ADCY9: variants seen among roughly 807,000 people sequenced by gnomAD.
ADCY9 encodes adenylate cyclase type 9.
A neutral mutation model predicts 101.5 loss-of-function variants in ADCY9; 50 were observed. The ratio of observed to expected loss-of-function variants is 0.49; its 90% CI spans 0.39 to 0.62. The LOEUF (loss-of-function observed/expected upper bound fraction) is 0.62, where lower values mean the gene tolerates loss of function less well. ADCY9 is among the 20% of genes least tolerant of loss of function. The probability of loss-of-function intolerance (pLI) is 0.00; values close to 1 mark genes in which losing one functional copy is unlikely to be tolerated. For missense variants in ADCY9, 1,662 were observed against 1,800.4 expected (o/e 0.92, Z 1.39); for synonymous variants, 905 against 769.3 (o/e 1.18, Z -2.92).
At chr16:4,079,248 A>C (rs1000435213) in intron 2 of ADCY9, among the ~76,000 whole-genome samples, 1 of 152,212 alleles carries the variant, frequency 6.6e-6, no homozygotes, top group Non-Finnish European at 1.5e-5. Context: ...ATAAAATCTA[A>C]GTCATTTAAA....
chr16:4,087,191 A>AGGTTT (rs1418075041), intron 2 of ADCY9, among the ~76,000 whole-genome samples: 1 of 151,914 alleles, frequency 6.6e-6, no homozygotes, highest in African/African-American at 2.4e-5. Flanking sequence ...TTTTATGGTG[A>AGGTTT]GGTTTTGTTT....
chr16:3,980,590 A>AT (rs1031867338), intron 7 of ADCY9, among the ~76,000 whole-genome samples: 6 of 152,114 alleles, frequency 3.9e-5, no homozygotes, highest in African/African-American at 1.2e-4. Flanking sequence ...AACACCTACC[A>AT]TGCCTCTCCC....
At chr16:4,039,215 G>A (rs2056610439) in intron 2 of ADCY9, among the ~76,000 whole-genome samples, 1 of 151,970 alleles carries the variant, frequency 6.6e-6, no homozygotes, top group African/African-American at 2.4e-5. Context: ...CATCTCCCAT[G>A]TCCTCCATCT....
intron 2 of ADCY9, among the ~76,000 whole-genome samples, chr16:4,088,283 G>A (rs1376696923): frequency 6.6e-6 from 1 of 151,852 alleles, no homozygotes; most frequent in Non-Finnish European, 1.5e-5. Flanking sequence ...TGGAAATGAA[G>A]ATTCTGGTTT....
At chr16:4,041,387 C>G (rs1277361846) in intron 2 of ADCY9, among the ~76,000 whole-genome samples, 2 of 151,966 alleles carry the variant, frequency 1.3e-5, no homozygotes, top group African/African-American at 4.8e-5. Context: ...GCCTGTCATC[C>G]CAGCTACTTG....
intron 2 of ADCY9, among the ~76,000 whole-genome samples, chr16:4,096,949 C>A (rs1343290079): frequency 6.6e-6 from 1 of 152,012 alleles, no homozygotes. Context: ...AAATTATGCA[C>A]AAAGACTACC....
At chr16:4,077,301 G>A (rs931425941) in intron 2 of ADCY9, among the ~76,000 whole-genome samples, 2 of 152,172 alleles carry the variant, frequency 1.3e-5, no homozygotes, top group African/African-American at 4.8e-5. Context: ...GTGACATCTG[G>A]AGAGATGAGC....
At chr16:3,959,740 T>A (rs1420394759), downstream of ADCY9, among the ~76,000 whole-genome samples, 1 of 152,210 alleles carries the variant, frequency 6.6e-6, no homozygotes, top group Non-Finnish European at 1.5e-5. Context: ...AATGCATGTA[T>A]CAACGCTGGG....
intron 6 of ADCY9, among the ~76,000 whole-genome samples, chr16:3,987,481 C>A (rs898298718): frequency 6.6e-6 from 1 of 152,200 alleles, no homozygotes; most frequent in East Asian, 1.9e-4. Context: ...CCTTGCTCAG[C>A]GTCAGCTCTT....
intron 2 of ADCY9, among the ~76,000 whole-genome samples, chr16:4,039,402 G>A (rs1047299092): frequency 6.6e-6 from 1 of 152,164 alleles, no homozygotes; most frequent in Non-Finnish European, 1.5e-5. Context: ...TTGCAGGCCA[G>A]GTGCGGTGGC....
intron 7 of ADCY9, among the ~76,000 whole-genome samples, chr16:3,980,416 G>A (rs1383344190): frequency 6.6e-6 from 1 of 152,186 alleles, no homozygotes; most frequent in African/African-American, 2.4e-5. Flanking sequence ...GAGAAGGTGT[G>A]GGGTCCTCGT....
chr16:4,072,631 T>G (rs1178146818), intron 2 of ADCY9, among the ~76,000 whole-genome samples: 1 of 152,012 alleles, frequency 6.6e-6, no homozygotes, highest in Non-Finnish European at 1.5e-5. Context: ...AAGAAAATGC[T>G]TGAAGAAGAA....
intron 2 of ADCY9, among the ~76,000 whole-genome samples, chr16:4,046,817 A>AC (rs1275077930): frequency 2.0e-5 from 3 of 151,838 alleles, no homozygotes; most frequent in African/African-American, 4.9e-5. Context: ...CATAAGTGAG[A>AC]CCCCGTCTCA....
chr16:4,101,967 T>C (rs1317523758), intron 2 of ADCY9, among the ~76,000 whole-genome samples: 1 of 152,180 alleles, frequency 6.6e-6, no homozygotes, highest in Non-Finnish European at 1.5e-5. Flanking sequence ...GAGCTATCAG[T>C]ATTTTGTATT....
At chr16:4,043,196 A>G (rs1353143084) in intron 2 of ADCY9, among the ~76,000 whole-genome samples, 2 of 152,160 alleles carry the variant, frequency 1.3e-5, no homozygotes, top group African/African-American at 4.8e-5. Flanking sequence ...GCGCCACTGC[A>G]CTCCAGCCTG....
chr16:4,000,001 G>A (rs1481334020), intron 3 of ADCY9, among the ~76,000 whole-genome samples: 1 of 151,796 alleles, frequency 6.6e-6, no homozygotes, highest in Non-Finnish European at 1.5e-5. Flanking sequence ...TCAGAAATGA[G>A]GAGGATACAC....
chr16:4,025,155 G>A (rs2056505715), intron 2 of ADCY9, among the ~76,000 whole-genome samples: 2 of 152,120 alleles, frequency 1.3e-5, no homozygotes, highest in Admixed American at 1.3e-4. Flanking sequence ...CTGAGCTCAG[G>A]AGTTTGAGAC....
intron 2 of ADCY9, among the ~76,000 whole-genome samples, chr16:4,009,517 A>G (rs2056389446): frequency 1.3e-5 from 2 of 152,150 alleles, no homozygotes; most frequent in African/African-American, 2.4e-5. Context: ...TTGGCCTCCC[A>G]AAGTGCTGGG....
At chr16:4,024,784 G>A (rs1416639663) in intron 2 of ADCY9, among the ~76,000 whole-genome samples, 2 of 152,096 alleles carry the variant, frequency 1.3e-5, no homozygotes, top group African/African-American at 2.4e-5. Flanking sequence ...CCTTCAGTAC[G>A]TGGACGGATG....
Sources: gnomAD v4.1 joint callset for allele counts (sites outside exome capture counted in the v4.1 genomes callset) on GRCh38, gnomAD v4.1.1 for gene constraint, MANE v1.5 for transcripts, NCBI Gene and HGNC (gene_info 2026-07-23, HGNC 2026-07-21) for gene names.